KHDRBS2: variants seen among roughly 807,000 people sequenced by gnomAD.
The protein encoded by KHDRBS2 is KH RNA binding domain containing, signal transduction associated 2.
A neutral mutation model predicts 44.3 loss-of-function variants in KHDRBS2; 26 were observed. The ratio of observed to expected loss-of-function variants is 0.59; its 90% confidence interval spans 0.43 to 0.81. The LOEUF (loss-of-function observed/expected upper bound fraction) is 0.81. Among genes scored for constraint, KHDRBS2 ranks in the 40% least tolerant of loss-of-function variants. The probability of loss-of-function intolerance (pLI) is 0.00; values close to 1 mark genes in which losing one functional copy is unlikely to be tolerated. For synonymous variants in KHDRBS2, 194 were observed against 151.1 expected (o/e 1.28, Z -2.08); for missense variants, 476 against 433.1 (o/e 1.10, Z -0.88).
the KHDRBS2 span, among the ~76,000 whole-genome samples, chr6:61,577,383 G>C: frequency 3.3e-5 from 5 of 152,080 alleles, no homozygotes; most frequent in Non-Finnish European, 7.3e-5. Context: ...CAGATTCATA[G>C]CAGCAATTTT....
At chr6:61,708,940 T>A (rs1208325382) in intron 7 of KHDRBS2, among the ~76,000 whole-genome samples, 3 of 151,642 alleles carry the variant, frequency 2.0e-5, no homozygotes, top group African/African-American at 7.3e-5. Flanking sequence ...AAAAACAGTA[T>A]TTGAAATTAA....
At chr6:62,184,051 G>C (rs1367220100) in intron 1 of KHDRBS2, among the ~76,000 whole-genome samples, 1 of 151,334 alleles carries the variant, frequency 6.6e-6, no homozygotes, top group Non-Finnish European at 1.5e-5. Flanking sequence ...TTTGCTTTTT[G>C]TATTTGAATA....
intron 2 of KHDRBS2, among the ~76,000 whole-genome samples, chr6:62,077,776 T>G (rs182420437): frequency 1.3e-3 from 204 of 152,152 alleles, no homozygotes; most frequent in Non-Finnish European, 2.1e-3. Flanking sequence ...GCTGGACACA[T>G]AGTAGTTACT....
chr6:61,940,242 CAAA>C (rs3076276), intron 4 of KHDRBS2, among the ~76,000 whole-genome samples: 7 of 146,212 alleles, frequency 4.8e-5, no homozygotes, highest in African/African-American at 1.0e-4. Flanking sequence ...AATAAAAGTT[CAAA>C]AAAAAAAAAG....
intron 4 of KHDRBS2, among the ~76,000 whole-genome samples, chr6:61,952,428 C>A (rs1014680731): frequency 6.6e-6 from 1 of 151,984 alleles, no homozygotes; most frequent in Non-Finnish European, 1.5e-5. Context: ...TTTAGTTTCC[C>A]AGTTTGGACA....
chr6:61,733,053 T>TA (rs1307383384), intron 6 of KHDRBS2, among the ~76,000 whole-genome samples: 1 of 152,316 alleles, frequency 6.6e-6, no homozygotes, highest in South Asian at 2.1e-4. Context: ...AAATTCAAAA[T>TA]AAGTTTTTCT....
At chr6:61,904,030 G>C (rs1209169848) in intron 4 of KHDRBS2, among the ~76,000 whole-genome samples, 1 of 152,152 alleles carries the variant, frequency 6.6e-6, no homozygotes, top group Non-Finnish European at 1.5e-5. Context: ...GCGGTGGTTT[G>C]TTTTGTGCAA....
rs1268661002 is a variant in KHDRBS2, at chr6:62,063,486, A to T, written c.220-15492T>A. ...AAGGCTGGTTCAATATACGCAAATCAATAAATGTAATCCAGCATATAAACA... is the reference window on the plus strand; with the variant it reads ...AAGGCTGGTTCAATATACGCAAATCTATAAATGTAATCCAGCATATAAACA... On this transcript the variant is annotated intron_variant, in intron 2 of 8. Coordinates refer to ENST00000281156, the MANE Select transcript of KHDRBS2 (RefSeq NM_152688.4). Among the ~76,000 whole-genome samples the T allele has an allele frequency of 4.0e-5, 6 of 151,046 alleles. No homozygotes were observed. In the East Asian group the frequency reaches 5.9e-4, roughly 15 times the overall value.
At chr6:62,205,517 A>G (rs186702090) in intron 1 of KHDRBS2, among the ~76,000 whole-genome samples, 2 of 152,240 alleles carry the variant, frequency 1.3e-5, no homozygotes, top group Admixed American at 1.3e-4. Context: ...CTGTCCAACT[A>G]GACAGAAATC....
At chr6:62,094,178 C>T (rs1446542814) in intron 2 of KHDRBS2, among the ~76,000 whole-genome samples, 1 of 151,794 alleles carries the variant, frequency 6.6e-6, no homozygotes, top group Non-Finnish European at 1.5e-5. Flanking sequence ...GTTTCCTTGT[C>T]TTCACCTTCT....
chr6:61,952,482 A>G (rs1412422197), intron 4 of KHDRBS2, among the ~76,000 whole-genome samples: 2 of 152,256 alleles, frequency 1.3e-5, no homozygotes, highest in East Asian at 3.9e-4. Context: ...ATTCAAAACT[A>G]ATAAGTACCA....
chr6:61,852,766 A>G (rs1355791092), intron 6 of KHDRBS2, among the ~76,000 whole-genome samples: 1 of 152,140 alleles, frequency 6.6e-6, no homozygotes, highest in African/African-American at 2.4e-5. Flanking sequence ...TAGCAATTCC[A>G]CTTTTCTTAA....
intron 2 of KHDRBS2, among the ~76,000 whole-genome samples, chr6:62,097,891 T>G (rs776897502): frequency 2.6e-5 from 4 of 152,104 alleles, no homozygotes; most frequent in African/African-American, 9.7e-5. Context: ...GTATCTGTTA[T>G]AGGTTTTTGC....
chr6:61,672,062 T>G, the KHDRBS2 span, among the ~76,000 whole-genome samples: 2 of 144,382 alleles, frequency 1.4e-5, no homozygotes, highest in African/African-American at 5.1e-5. Context: ...TGTTCTCTTG[T>G]TCAATTCCCA....
chr6:61,955,248 A>G (rs1766464936), intron 4 of KHDRBS2, among the ~76,000 whole-genome samples: 1 of 146,122 alleles, frequency 6.8e-6, no homozygotes, highest in Non-Finnish European at 1.5e-5. Flanking sequence ...ATGTATGTAT[A>G]CATATATATG....
At chr6:62,117,485 C>T (rs995743408) in intron 2 of KHDRBS2, among the ~76,000 whole-genome samples, 1 of 152,004 alleles carries the variant, frequency 6.6e-6, no homozygotes, top group Non-Finnish European at 1.5e-5. Context: ...GTTTGAGTTC[C>T]TTAAGTATTT....
chr6:62,054,737 G>A (rs968804878), intron 2 of KHDRBS2, among the ~76,000 whole-genome samples: 1 of 151,980 alleles, frequency 6.6e-6, no homozygotes, highest in Non-Finnish European at 1.5e-5. Context: ...TTCTGCCCTA[G>A]AGCCTCTTAA....
At chr6:61,822,798 G>A (rs1428277843) in intron 6 of KHDRBS2, among the ~76,000 whole-genome samples, 1 of 151,926 alleles carries the variant, frequency 6.6e-6, no homozygotes, top group Non-Finnish European at 1.5e-5. Context: ...TGTGACATGG[G>A]CTATAACCTC....
chr6:61,543,606 T>C, the KHDRBS2 span, among the ~76,000 whole-genome samples: 1 of 152,022 alleles, frequency 6.6e-6, no homozygotes, highest in Non-Finnish European at 1.5e-5. Context: ...GCTAGATATA[T>C]ACCCCAAAGA....
Sources: gnomAD v4.1 joint callset for allele counts (sites outside exome capture counted in the v4.1 genomes callset) on GRCh38, gnomAD v4.1.1 for gene constraint, MANE v1.5 for transcripts, NCBI Gene and HGNC (gene_info 2026-07-23, HGNC 2026-07-21) for gene names.